Variants in NSUN7 observed in about 807,000 individuals in gnomAD.
The protein encoded by NSUN7 is protein NSUN7.
NSUN7 carries 39 observed loss-of-function variants against 58.5 expected under a neutral mutation model. The observed-to-expected ratio is 0.67, with a 90% CI of 0.52 to 0.87. NSUN7 has a LOEUF of 0.87. Ranked by LOEUF, NSUN7 falls within the 40% of genes least tolerant of loss-of-function variation. The probability of loss-of-function intolerance (pLI) is 0.00; values close to 1 mark genes in which losing one functional copy is unlikely to be tolerated. For missense variants in NSUN7, 765 were observed against 844.1 expected, an observed-to-expected ratio of 0.91 and a Z score of 1.16; for synonymous variants, 278 against 303.7, an observed-to-expected ratio of 0.92 and a Z score of 0.88.
intron 4 of NSUN7, among the ~76,000 whole-genome samples, chr4:40,767,017 T>A (rs1346196372): frequency 6.6e-6 from 1 of 151,012 alleles, no homozygotes; most frequent in African/African-American, 2.4e-5. Context: ...ATTTTGTTGA[T>A]CCTTTCAAAA....
Position 40,810,704 on chromosome 4 carries a change from A to AAGAT in NSUN7, c.*1767_*1770dup, listed in dbSNP as rs1411221385. On this transcript the variant is annotated 3_prime_UTR_variant, in exon 12 of 12. Transcript: ENST00000381782. ...CTTCATGTTATCACTCTTGTACAGAAAGATATAAAGTGCTCAGCTTATTTT... is the reference window on the plus strand; with the variant it reads ...CTTCATGTTATCACTCTTGTACAGAAAGATAGATATAAAGTGCTCAGCTTATTTT... 2 of 152,208 alleles carry AAGAT rather than the reference A, an allele frequency of 1.3e-5. No individual in the cohort carries two copies. Among genetic ancestry groups the AAGAT allele is most frequent in the Non-Finnish European group, 2.9e-5 (2 of 68,034 alleles). The allele number at this position is 152,208 out of a possible 1,614,324, so 9.4% of individuals were successfully genotyped here. A position where few individuals can be genotyped will look rare whatever the true frequency, so the allele number is the denominator to read the frequency against.
At chr4:40,786,990 T>C (rs1295204413) in intron 7 of NSUN7, among the ~76,000 whole-genome samples, 1 of 151,086 alleles carries the variant, frequency 6.6e-6, no homozygotes, top group Non-Finnish European at 1.5e-5. Flanking sequence ...CAGAACACAG[T>C]TGTGGGAATT....
At chr4:40,774,541 G>A in intron 5 of NSUN7, 124 bp downstream of exon 5, 1 of 955,824 alleles carries the variant, frequency 1.0e-6, no homozygotes, top group African/African-American at 1.7e-5. Flanking sequence ...GGGAATCAGA[G>A]TTAAGTTCCA....
chr4:40,750,490 T>C (rs1578134100), intron 1 of NSUN7, 113 bp from the exon 2 acceptor site: 2 of 399,292 alleles, frequency 5.0e-6, no homozygotes, highest in South Asian at 2.5e-5. Flanking sequence ...TCTGGGACAC[T>C]CAGATGGGAC....
chr4:40,789,069 G>T (rs1043287324), intron 7 of NSUN7, among the ~76,000 whole-genome samples: 2 of 152,154 alleles, frequency 1.3e-5, no homozygotes, highest in African/African-American at 4.8e-5. Context: ...CAACCCCTTT[G>T]GTGGTACCAC....
Position 40,807,070 on chromosome 4 carries a change from T to C in NSUN7, c.1410T>C (p.Pro470=), listed in dbSNP as rs1259350071. 1 of 1,551,724 alleles carries C rather than the reference T, an allele frequency of 6.4e-7. No individual in the cohort carries two copies. The highest frequency in any genetic ancestry group is 8.7e-7 in the Non-Finnish European group (1 of 1,146,872). Residue 470 remains proline (P), a synonymous_variant, in exon 11 of 12, where the codon CCT becomes CCC. Transcript: ENST00000381782. ...TTCCTGTCTGCTGCAGGCTTAGTCCTCCTGTTCTTCCACTGTGCTCCTTAA... is the reference window on the plus strand; with the variant it reads ...TTCCTGTCTGCTGCAGGCTTAGTCCCCCTGTTCTTCCACTGTGCTCCTTAA... ...GNKGQPYRLS[P]PVLPLCSLKE...
At chr4:40,765,848 G>A (rs2154287082) in intron 4 of NSUN7, among the ~76,000 whole-genome samples, 1 of 152,258 alleles carries the variant, frequency 6.6e-6, no homozygotes, top group South Asian at 2.1e-4. Context: ...AAGCAATTGT[G>A]AATGGGAGTT....
rs1178910989 is a variant in NSUN7 at position 40,764,900 on chromosome 4, A to G, written c.488+3599A>G. On this transcript the variant is annotated intron_variant, in intron 4 of 11. Coordinates refer to ENST00000381782, the MANE Select transcript of NSUN7 (RefSeq NM_024677.6). ...CTTCTTTTGAGAAGTGTCTGTTCAT[A>G]TCCTTCACCCACTTTTTGATGGGGT... Among the ~76,000 whole-genome samples, 408 of 152,038 alleles carry G rather than the reference A, an allele frequency of 2.7e-3. 2 individuals carry two copies. The highest frequency in any genetic ancestry group is 9.1e-3 in the African/African-American group (378 of 41,414).
At chr4:40,761,902 TAA>T (rs1741479858) in intron 4 of NSUN7, among the ~76,000 whole-genome samples, 1 of 152,210 alleles carries the variant, frequency 6.6e-6, no homozygotes, top group South Asian at 2.1e-4. Flanking sequence ...CAGTAAATGT[TAA>T]GTGTTACTGT....
At chr4:40,786,256 G>A (rs1742820166) in intron 7 of NSUN7, 15 of 1,613,834 alleles carry the variant, frequency 9.3e-6, no homozygotes, top group Middle Eastern at 1.7e-4. Flanking sequence ...TGTAAATACC[G>A]TACCTACCAA....
At chr4:40,757,670 G>GTGTGTATATATATACACAC (rs1359805407) in intron 2 of NSUN7, among the ~76,000 whole-genome samples, 13 of 142,280 alleles carry the variant, frequency 9.1e-5, no homozygotes, top group South Asian at 6.6e-4. Context: ...TATATACATT[G>GTGTGTATATATATACACAC]TGTGTATATA....
At chr4:40,797,511 AC>A (rs1185893375) in intron 9 of NSUN7, among the ~76,000 whole-genome samples, 2 of 151,992 alleles carry the variant, frequency 1.3e-5, no homozygotes, top group Non-Finnish European at 2.9e-5. Context: ...GTAGCCTTCC[AC>A]CCGCTTAGGC....
intron 2 of NSUN7, among the ~76,000 whole-genome samples, chr4:40,757,628 T>TACATTGTGTGTATATATATAC (rs1560544932): frequency 1.4e-5 from 2 of 143,756 alleles, no homozygotes; most frequent in African/African-American, 2.6e-5. Flanking sequence ...TATATATATA[T>TACATTGTGTGTATATATATAC]ACATTGTGTG....
At chr4:40,789,465 A>G (rs754453577) in intron 7 of NSUN7, among the ~76,000 whole-genome samples, 1 of 152,174 alleles carries the variant, frequency 6.6e-6, no homozygotes, top group Admixed American at 6.5e-5. Context: ...ATTTGATAAT[A>G]ATAAGGAAAC....
In NSUN7 at chr4:40,809,177, G is replaced by T. The variant is rs985166793; in HGVS notation, c.*238G>T. 2.3e-6 allele frequency: 1 copy of T among 426,788 alleles called. No homozygotes were observed. The highest frequency in any genetic ancestry group is 3.7e-5 in the East Asian group (1 of 26,918). The allele number at this position is 426,788 out of a possible 1,614,324, so 26.4% of individuals were successfully genotyped here. A position where few individuals can be genotyped will look rare whatever the true frequency, so the allele number is the denominator to read the frequency against. The stretch of plus-strand genomic sequence containing the variant: ...CTGCTGCTCTGAGAGGATCCAGTTA[G>T]AGACTCAGTATCAGCGGTCAGAACT... On this transcript the variant is annotated 3_prime_UTR_variant, in exon 12 of 12. Coordinates refer to ENST00000381782, the MANE Select transcript of NSUN7 (RefSeq NM_024677.6).
chr4:40,772,405 T>C (rs1742056314), intron 4 of NSUN7, among the ~76,000 whole-genome samples: 1 of 152,244 alleles, frequency 6.6e-6, no homozygotes, highest in South Asian at 2.1e-4. Flanking sequence ...TGCATTAATG[T>C]ACTATGTCAT....
rs915342474 is a variant in NSUN7 at position 40,766,690 on chromosome 4, C to T, written c.488+5389C>T. Among the ~76,000 whole-genome samples, 13 of 152,188 alleles carry T rather than the reference C, an allele frequency of 8.5e-5. No individual in the cohort carries two copies. The East Asian group carries it at 9.6e-4, about 11-fold the overall frequency. On this transcript the variant is annotated intron_variant, in intron 4 of 11. Transcript: ENST00000381782. ...TCCTCCTTGTACCTCTGGTAGAATT[C>T]GGCTGTGAATCCATCTGGTCCTGGA...
intron 3 of NSUN7, among the ~76,000 whole-genome samples, chr4:40,760,816 T>C (rs561346981): frequency 3.4e-5 from 5 of 147,264 alleles, no homozygotes; most frequent in South Asian, 2.1e-4. Context: ...TGAGCTAGAT[T>C]GCGCCATTGC....
chr4:40,757,651 T>C (rs552916615), intron 2 of NSUN7, among the ~76,000 whole-genome samples: 13 of 144,084 alleles, frequency 9.0e-5, no homozygotes, highest in African/African-American at 2.3e-4. Flanking sequence ...TATATATACA[T>C]TGTGTATATA....
Sources: allele counts gnomAD v4.1 joint callset (sites outside exome capture counted in the v4.1 genomes callset), GRCh38; gene constraint gnomAD v4.1.1; transcripts MANE v1.5; gene names NCBI Gene and HGNC (gene_info 2026-07-23, HGNC 2026-07-21).